The following RALGPS1 variants were observed in gnomAD, a reference collection of about 807,000 sequenced individuals.
The protein encoded by RALGPS1 is Ral GEF with PH domain and SH3 binding motif 1.
Under a neutral mutation model 78.8 loss-of-function variants are expected in RALGPS1, and 19 were observed. The observed-to-expected ratio is 0.24, with a 90% CI of 0.17 to 0.35. RALGPS1 has a LOEUF of 0.35. Among genes scored for constraint, RALGPS1 ranks in the 10% least tolerant of loss-of-function variants. The pLI is 1.00. For synonymous variants in RALGPS1, 228 were observed against 256.3 expected, an observed-to-expected ratio of 0.89 and a Z score of 1.06; for missense variants, 454 against 688.3, an observed-to-expected ratio of 0.66 and a Z score of 3.81.
intron 11 of RALGPS1, among the ~76,000 whole-genome samples, chr9:127,177,142 T>C (rs1393946928): frequency 6.6e-6 from 1 of 150,958 alleles, no homozygotes; most frequent in Non-Finnish European, 1.5e-5. Context: ...CCTTTGTAGA[T>C]GCTCAATTTT....
chr9:126,940,526 G>C (rs950777697), intron 1 of RALGPS1, among the ~76,000 whole-genome samples: 2 of 148,378 alleles, frequency 1.3e-5, no homozygotes, highest in African/African-American at 5.0e-5. Context: ...TGCAAGCTCT[G>C]CCTCCCGGGT....
intron 8 of RALGPS1, among the ~76,000 whole-genome samples, chr9:127,165,237 G>A (rs1435740985): frequency 6.6e-6 from 1 of 152,238 alleles, no homozygotes; most frequent in African/African-American, 2.4e-5. Flanking sequence ...CAGCTGAAAG[G>A]ACGTTCCATC....
At chr9:126,933,087 A>G (rs2035946350) in intron 1 of RALGPS1, among the ~76,000 whole-genome samples, 1 of 152,188 alleles carries the variant, frequency 6.6e-6, no homozygotes, top group African/African-American at 2.4e-5. Context: ...GCTGAGAAGA[A>G]TGAAGAGGAA....
intron 14 of RALGPS1, among the ~76,000 whole-genome samples, chr9:127,207,480 C>A (rs900798074): frequency 5.3e-5 from 8 of 152,202 alleles, no homozygotes; most frequent in African/African-American, 1.9e-4. Context: ...GGGCTATGAG[C>A]CCCTATGTCA....
intron 8 of RALGPS1, among the ~76,000 whole-genome samples, chr9:127,103,588 G>A (rs945889220): frequency 6.6e-6 from 1 of 152,214 alleles, no homozygotes; most frequent in Non-Finnish European, 1.5e-5. Flanking sequence ...TGGGAGTCAG[G>A]TGCACGTTGT....
At chr9:127,178,462 A>G in intron 11 of RALGPS1, 8 of 998,396 alleles carry the variant, frequency 8.0e-6, no homozygotes, top group Non-Finnish European at 9.6e-6. Flanking sequence ...TGCGCAACAT[A>G]GAACACACGT....
intron 5 of RALGPS1, among the ~76,000 whole-genome samples, chr9:127,043,371 G>A (rs1323149996): frequency 6.7e-6 from 1 of 148,262 alleles, no homozygotes; most frequent in African/African-American, 2.5e-5. Flanking sequence ...AAGTGGTGCT[G>A]GAAGAATTTA....
Position 126,977,764 on chromosome 9 carries a change from T to A in RALGPS1, c.216+19T>A. ...GCCGGAGGTCTGTACTTTGTCTTTC[T>A]ACTCTTCTATTCATGCTGTGGGTGG... On this transcript the variant is annotated intron_variant, in intron 4 of 18. Transcript: ENST00000259351. The A allele has an allele frequency of 3.8e-6, 6 of 1,566,780 alleles. No homozygotes were observed. The highest frequency in any genetic ancestry group is 5.2e-6 in the Non-Finnish European group (6 of 1,146,560).
intron 2 of RALGPS1, among the ~76,000 whole-genome samples, chr9:126,962,841 C>G (rs2039036098): frequency 6.6e-6 from 1 of 152,186 alleles, no homozygotes; most frequent in Non-Finnish European, 1.5e-5. Context: ...GGCACAGAAG[C>G]ATGCAGGAGG....
intron 8 of RALGPS1, among the ~76,000 whole-genome samples, chr9:127,128,645 G>T (rs779482438): frequency 6.6e-6 from 1 of 152,206 alleles, no homozygotes; most frequent in Non-Finnish European, 1.5e-5. Flanking sequence ...TAAAACAGCT[G>T]CCACTAGACT....
chr9:127,032,158 T>C (rs911574957), intron 4 of RALGPS1, among the ~76,000 whole-genome samples: 1 of 152,208 alleles, frequency 6.6e-6, no homozygotes, highest in Non-Finnish European at 1.5e-5. Flanking sequence ...TTAATTGTTA[T>C]AATGAGCTTC....
intron 11 of RALGPS1, among the ~76,000 whole-genome samples, 161 bp downstream of exon 11, chr9:127,174,943 C>G (rs2059770775): frequency 6.6e-6 from 1 of 152,178 alleles, no homozygotes; most frequent in Non-Finnish European, 1.5e-5. Flanking sequence ...GCCCAGGCTC[C>G]TGATCATGCG....
intron 4 of RALGPS1, among the ~76,000 whole-genome samples, chr9:127,012,573 T>G (rs920998548): frequency 1.3e-5 from 2 of 152,226 alleles, no homozygotes; most frequent in Non-Finnish European, 2.9e-5. Context: ...AAGCTGCTGC[T>G]GTTCCGACGT....
intron 4 of RALGPS1, among the ~76,000 whole-genome samples, chr9:127,009,302 C>G (rs568263896): frequency 4.4e-4 from 67 of 152,308 alleles, no homozygotes; most frequent in African/African-American, 1.6e-3. Context: ...TTGTTCCCCC[C>G]TCATCCTTTA....
At chr9:127,214,722 T>C in intron 17 of RALGPS1, 29 bp from the exon 18 acceptor site, 1 of 1,594,722 alleles carries the variant, frequency 6.3e-7, no homozygotes, top group South Asian at 1.1e-5. Context: ...GTGGCCCTCT[T>C]CTTAACTCAT....
intron 8 of RALGPS1, among the ~76,000 whole-genome samples, chr9:127,153,122 G>T (rs749769023): frequency 7.9e-5 from 12 of 152,208 alleles, no homozygotes; most frequent in Non-Finnish European, 1.6e-4. Context: ...CATAGTATAT[G>T]TGAGTGTGGG....
At chr9:127,085,824 T>G (rs887994396) in intron 8 of RALGPS1, among the ~76,000 whole-genome samples, 3 of 152,104 alleles carry the variant, frequency 2.0e-5, no homozygotes, top group Non-Finnish European at 4.4e-5. Flanking sequence ...TCCCACACAC[T>G]CCACTCCAGA....
At chr9:126,962,412 G>T in intron 2 of RALGPS1, 66 bp downstream of exon 2, 1 of 1,539,588 alleles carries the variant, frequency 6.5e-7, no homozygotes, top group Non-Finnish European at 9.0e-7. Flanking sequence ...CCAGGCCCCA[G>T]CTGAGCCTTG....
In RALGPS1 at chr9:127,019,549, G is replaced by A. The variant is rs1309834789; in HGVS notation, c.217-14882G>A. Reference sequence around the variant, plus strand: ...TCACCATGTTAGTCAGGATGGTCTCGATCTCCAGACCTTGTGATCCACCCA... The same window carrying A: ...TCACCATGTTAGTCAGGATGGTCTCAATCTCCAGACCTTGTGATCCACCCA... On this transcript the variant is annotated intron_variant, in intron 4 of 18. Coordinates refer to ENST00000259351, the MANE Select transcript of RALGPS1 (RefSeq NM_014636.3). 7.9e-5 allele frequency among the ~76,000 whole-genome samples: 12 copies of A among 152,140 alleles called. No homozygotes were observed. In the East Asian group the frequency reaches 1.7e-3, roughly 22 times the overall value.
Sources: gnomAD v4.1 joint callset for allele counts (sites outside exome capture counted in the v4.1 genomes callset) on GRCh38, gnomAD v4.1.1 for gene constraint, MANE v1.5 for transcripts, NCBI Gene and HGNC (gene_info 2026-07-23, HGNC 2026-07-21) for gene names.